EYS: variants seen among roughly 807,000 people sequenced by gnomAD.
EYS encodes the protein protein eyes shut homolog.
In EYS, 250 loss-of-function variants were observed where a neutral mutation model predicts 282.1. The observed-to-expected ratio is 0.89, with a 90% CI of 0.80 to 0.98. The LOEUF is 0.98. Among genes scored for constraint, EYS ranks in the 50% least tolerant of loss-of-function variants. EYS has a pLI of 0.00. For synonymous variants in EYS, 1,355 were observed against 1,282.9 expected, an observed-to-expected ratio of 1.06 and a Z score of -1.20; for missense variants, 4,016 against 3,709.0, an observed-to-expected ratio of 1.08 and a Z score of -2.15.
intron 2 of EYS, among the ~76,000 whole-genome samples, chr6:65,513,988 AG>A (rs1767013356): frequency 6.6e-6 from 1 of 152,170 alleles, no homozygotes; most frequent in Non-Finnish European, 1.5e-5. Flanking sequence ...TTCGGAAAAG[AG>A]GAAGTCAAAT....
chr6:64,847,492 T>C (rs1393912343), intron 19 of EYS, among the ~76,000 whole-genome samples: 2 of 152,108 alleles, frequency 1.3e-5, no homozygotes, highest in African/African-American at 2.4e-5. Flanking sequence ...AATTATCTTT[T>C]CAGCAGCACA....
intron 33 of EYS, among the ~76,000 whole-genome samples, chr6:64,023,406 T>C (rs913601977): frequency 6.6e-6 from 1 of 152,252 alleles, no homozygotes; most frequent in Admixed American, 6.5e-5. Context: ...TGTTTAACTT[T>C]TAGAGCAACC....
intron 36 of EYS, among the ~76,000 whole-genome samples, chr6:63,815,782 G>A (rs1314943437): frequency 2.0e-5 from 3 of 152,222 alleles, no homozygotes; most frequent in South Asian, 2.1e-4. Context: ...GTGCTTGAAC[G>A]TTTGGAGACA....
intron 20 of EYS, 125 bp downstream of exon 20, chr6:64,822,526 C>G: frequency 1.3e-6 from 1 of 789,756 alleles, no homozygotes; most frequent in South Asian, 2.1e-5. Context: ...CTTAAATGTA[C>G]TTAGCTCTTG....
At chr6:64,475,428 G>A (rs946686587) in intron 26 of EYS, among the ~76,000 whole-genome samples, 1 of 118,944 alleles carries the variant, frequency 8.4e-6, no homozygotes, top group African/African-American at 2.9e-5. Flanking sequence ...GCGGGCGCCT[G>A]TAGTCCCAGC....
chr6:65,014,770 T>G (rs1376506611), intron 13 of EYS, among the ~76,000 whole-genome samples: 1 of 152,178 alleles, frequency 6.6e-6, no homozygotes, highest in African/African-American at 2.4e-5. Flanking sequence ...CTCCCTTCAC[T>G]ACCTCCCTGT....
intron 2 of EYS, among the ~76,000 whole-genome samples, chr6:65,604,758 A>G (rs1213780705): frequency 3.3e-5 from 5 of 151,852 alleles, no homozygotes; most frequent in Non-Finnish European, 7.4e-5. Flanking sequence ...TGTTTGTGCC[A>G]CGAGTTTAAA....
chr6:65,117,875 C>T (rs1167075235), intron 12 of EYS, among the ~76,000 whole-genome samples: 1 of 152,070 alleles, frequency 6.6e-6, no homozygotes, highest in African/African-American at 2.4e-5. Context: ...GTTTTTATTA[C>T]ATGAAAAATA....
chr6:64,938,267 C>T (rs1768975035), intron 15 of EYS, among the ~76,000 whole-genome samples: 2 of 151,350 alleles, frequency 1.3e-5, no homozygotes, highest in African/African-American at 4.8e-5. Flanking sequence ...CATGGTTTTG[C>T]TTTCTGGTTT....
At chr6:65,401,445 T>C (rs982435423) in intron 7 of EYS, among the ~76,000 whole-genome samples, 11 of 151,382 alleles carry the variant, frequency 7.3e-5, no homozygotes, top group Non-Finnish European at 1.6e-4. Context: ...ACTAATCTAC[T>C]AGCACATTGA....
At chr6:64,123,325 TTTATA>T (rs1207629825) in intron 31 of EYS, among the ~76,000 whole-genome samples, 3 of 152,216 alleles carry the variant, frequency 2.0e-5, no homozygotes, top group Non-Finnish European at 4.4e-5. Flanking sequence ...TATCTCTCAT[TTTATA>T]TTATTAATTT....
At chr6:65,188,104 A>G (rs1010252217) in intron 12 of EYS, among the ~76,000 whole-genome samples, 1 of 151,618 alleles carries the variant, frequency 6.6e-6, no homozygotes, top group Non-Finnish European at 1.5e-5. Context: ...TCATAGTGAA[A>G]GGTTAATAAA....
intron 13 of EYS, among the ~76,000 whole-genome samples, chr6:64,998,725 T>C (rs550354451): frequency 1.3e-5 from 2 of 152,342 alleles, no homozygotes; most frequent in Admixed American, 6.5e-5. Context: ...GATGTAATTG[T>C]AAATGAATTA....
At chr6:64,955,814 C>T (rs1289964637) in intron 14 of EYS, among the ~76,000 whole-genome samples, 5 of 152,092 alleles carry the variant, frequency 3.3e-5, no homozygotes, top group Non-Finnish European at 7.4e-5. Context: ...TATTTTTCCC[C>T]ACAGAAAAAA....
intron 1 of EYS, among the ~76,000 whole-genome samples, chr6:65,670,018 T>C (rs9283820): frequency 0.82 from 124,132 of 151,834 alleles, 50,839 homozygotes; most frequent in East Asian, 0.85. Flanking sequence ...TCCTCCTCAT[T>C]GTTTTTGAAC....
intron 14 of EYS, among the ~76,000 whole-genome samples, chr6:64,990,180 A>G (rs1168750232): frequency 6.6e-6 from 1 of 151,598 alleles, no homozygotes; most frequent in East Asian, 1.9e-4. Context: ...ATAAATTGCT[A>G]AAATCAATCT....
intron 35 of EYS, among the ~76,000 whole-genome samples, chr6:63,869,139 T>C (rs888702273): frequency 2.0e-5 from 3 of 152,140 alleles, no homozygotes; most frequent in African/African-American, 7.2e-5. Flanking sequence ...CTTTTTTCTT[T>C]ATATGAAAGG....
At chr6:64,172,664 A>G (rs1255738461) in intron 31 of EYS, among the ~76,000 whole-genome samples, 1 of 152,224 alleles carries the variant, frequency 6.6e-6, no homozygotes, top group Non-Finnish European at 1.5e-5. Flanking sequence ...ATTTCCTAAC[A>G]GGTCATGGAC....
At chr6:65,377,462 G>T (rs1765413647) in intron 8 of EYS, among the ~76,000 whole-genome samples, 2 of 152,144 alleles carry the variant, frequency 1.3e-5, no homozygotes, top group Middle Eastern at 3.4e-3. Flanking sequence ...ACAATTAAAA[G>T]AAATAGAGAA....
Sources: allele counts gnomAD v4.1 joint callset (sites outside exome capture counted in the v4.1 genomes callset), GRCh38; gene constraint gnomAD v4.1.1; transcripts MANE v1.5; gene names NCBI Gene and HGNC (gene_info 2026-07-23, HGNC 2026-07-21).